The following FLVCR1 variants were observed in gnomAD, a reference collection of about 807,000 sequenced individuals.
The protein encoded by FLVCR1 is FLVCR choline and heme transporter 1, also known as choline/ethanolamine transporter FLVCR1.
A neutral mutation model predicts 53.6 loss-of-function variants in FLVCR1; 34 were observed. The ratio of observed to expected loss-of-function variants is 0.63; its 90% CI spans 0.48 to 0.84. FLVCR1 has a LOEUF of 0.84. Among genes scored for constraint, FLVCR1 ranks in the 40% least tolerant of loss-of-function variants. The pLI, the probability that FLVCR1 is intolerant of heterozygous loss-of-function variation, is 0.00. For missense variants in FLVCR1, 677 were observed against 696.7 expected, an observed-to-expected ratio of 0.97 and a Z score of 0.32; for synonymous variants, 300 against 286.3, an observed-to-expected ratio of 1.05 and a Z score of -0.48.
chr1:212,888,121 A>C, intron 6 of FLVCR1, 120 bp downstream of exon 6: 1 of 684,472 alleles, frequency 1.5e-6, no homozygotes, highest in Non-Finnish European at 2.6e-6. Context: ...TAAACTTTAA[A>C]GGATTCATTC....
At chr1:212,878,269 G>A (rs1274438068) in intron 3 of FLVCR1, among the ~76,000 whole-genome samples, 3 of 152,126 alleles carry the variant, frequency 2.0e-5, no homozygotes, top group African/African-American at 4.8e-5. Context: ...TTGGGAGGCC[G>A]AGGCGGGCGG....
chr1:212,866,483 T>C (rs1377139099), intron 2 of FLVCR1, among the ~76,000 whole-genome samples: 3 of 152,000 alleles, frequency 2.0e-5, no homozygotes, highest in African/African-American at 7.2e-5. Context: ...CCTTTTTTTT[T>C]TTTTTTAAAT....
At chr1:212,871,905 C>A (rs933757759) in intron 2 of FLVCR1, among the ~76,000 whole-genome samples, 1 of 152,142 alleles carries the variant, frequency 6.6e-6, no homozygotes, top group Non-Finnish European at 1.5e-5. Flanking sequence ...TAGCTCTACC[C>A]CTGTACTTTC....
chr1:212,872,120 T>C (rs952855306), intron 2 of FLVCR1, among the ~76,000 whole-genome samples: 1 of 151,630 alleles, frequency 6.6e-6, no homozygotes, highest in Non-Finnish European at 1.5e-5. Flanking sequence ...TTATTTTCCT[T>C]TTTTTTTGTT....
chr1:212,872,474 CTGAGA>C (rs2102550985), intron 2 of FLVCR1, among the ~76,000 whole-genome samples, 199 bp from the exon 3 acceptor site: 1 of 152,136 alleles, frequency 6.6e-6, no homozygotes, highest in Non-Finnish European at 1.5e-5. Flanking sequence ...TTTCAGAGAA[CTGAGA>C]TGACAGTGTT....
At chr1:212,867,776 A>G (rs1664478484) in intron 2 of FLVCR1, among the ~76,000 whole-genome samples, 1 of 151,514 alleles carries the variant, frequency 6.6e-6, no homozygotes. Flanking sequence ...GCTTAAACAC[A>G]TAAGCATATA....
intron 2 of FLVCR1, among the ~76,000 whole-genome samples, chr1:212,872,209 G>C (rs1158083275): frequency 6.6e-6 from 1 of 151,992 alleles, no homozygotes; most frequent in Non-Finnish European, 1.5e-5. Context: ...TGACCTCCCA[G>C]GCTCAAGGGT....
At chr1:212,888,259 T>A (rs1665109143) in intron 6 of FLVCR1, among the ~76,000 whole-genome samples, 1 of 152,220 alleles carries the variant, frequency 6.6e-6, no homozygotes, top group Admixed American at 6.5e-5. Flanking sequence ...ACAATCAACT[T>A]ATAAAACTAG....
chr1:212,871,591 A>G (rs554426167), intron 2 of FLVCR1, among the ~76,000 whole-genome samples: 3 of 151,988 alleles, frequency 2.0e-5, no homozygotes, highest in African/African-American at 7.2e-5. Context: ...TAGTTTAAAC[A>G]ATTTTTTTCT....
intron 3 of FLVCR1, among the ~76,000 whole-genome samples, chr1:212,878,707 A>G (rs1664837993): frequency 6.6e-6 from 1 of 152,158 alleles, no homozygotes. Flanking sequence ...AGCAACTAAA[A>G]CTATAAAGAT....
At chr1:212,865,809 T>A (rs988979125) in intron 2 of FLVCR1, among the ~76,000 whole-genome samples, 1 of 147,070 alleles carries the variant, frequency 6.8e-6, no homozygotes, top group Non-Finnish European at 1.5e-5. Flanking sequence ...AAGTATAGAA[T>A]TCTCTCTCTT....
At chr1:212,888,397 T>C in intron 6 of FLVCR1, 92 bp from the exon 7 acceptor site, 2 of 890,098 alleles carry the variant, frequency 2.2e-6, no homozygotes, top group Admixed American at 3.5e-5. Context: ...TATTTGGTCA[T>C]TAGAATAAGC....
At chr1:212,891,518 A>T (rs1665193831) in intron 8 of FLVCR1, among the ~76,000 whole-genome samples, 1 of 152,214 alleles carries the variant, frequency 6.6e-6, no homozygotes, top group Admixed American at 6.5e-5. Context: ...TTACTTTTAC[A>T]AGAGATTCAT....
chr1:212,894,104 A>G (rs1665272249), intron 8 of FLVCR1, among the ~76,000 whole-genome samples: 1 of 100,492 alleles, frequency 1.0e-5, no homozygotes, highest in South Asian at 4.8e-4. Context: ...TAAGGCATGT[A>G]GATTGATTTT....
At position 212,858,583 on chromosome 1, in the gene FLVCR1, C is replaced by T; in HGVS notation, c.131C>T (p.Ala44Val). ...GTGGAGCTGCAGAACGGGCCCAAAGCGGGCACCTTCCCGGTGAATGGGGCC... is the reference window on the plus strand; with the variant it reads ...GTGGAGCTGCAGAACGGGCCCAAAGTGGGCACCTTCCCGGTGAATGGGGCC... ...ESVELQNGPK[A>V]GTFPVNGAPR... The change falls in exon 1 of 10, where the codon GCG becomes GTG. Residue 44 changes from alanine to valine, a missense_variant. By Grantham distance (64) the Ala-to-Val change is moderately conservative. Transcript: ENST00000366971. 2 of 1,500,026 alleles carry T rather than the reference C, an allele frequency of 1.3e-6. No individual in the cohort carries two copies. The highest frequency in any genetic ancestry group is 1.3e-5 in the South Asian group (1 of 76,586). The allele number at this position is 1,500,026 out of a possible 1,614,324, so 92.9% of individuals were successfully genotyped here.
chr1:212,877,686 G>GTT lies in FLVCR1; in HGVS notation c.1024+4884_1024+4885dup, dbSNP rs56783462. Among the ~76,000 whole-genome samples, 333 of 127,158 alleles carry GTT rather than the reference G, an allele frequency of 2.6e-3. 5 individuals are homozygous for GTT. The highest frequency in any genetic ancestry group is 4.7e-3 in the Non-Finnish European group (285 of 61,256). The allele number at this position is 127,158 out of a possible 152,430, so 83.4% of individuals were successfully genotyped here. The stretch of plus-strand genomic sequence containing the variant: ...AAGTTGTCTGTTCACTCTGATGATA[G>GTT]TTTTTTTTTTTTTTTTTGCTGTGCA... On this transcript the variant is annotated intron_variant, in intron 3 of 9. Transcript: ENST00000366971.
chr1:212,868,491 G>A (rs1050116687), intron 2 of FLVCR1, among the ~76,000 whole-genome samples: 2 of 152,160 alleles, frequency 1.3e-5, no homozygotes. Context: ...TCCGCTCACC[G>A]CAACCTCTGC....
intron 4 of FLVCR1, 39 bp downstream of exon 4, chr1:212,883,477 A>G (rs2644547): frequency 1 from 1,186,484 of 1,187,384 alleles, 592,795 homozygotes; most frequent in East Asian, 1. Context: ...GCCTGGCCAA[A>G]AATTTTTCTT....
chr1:212,890,575 C>A (rs1456269861), intron 8 of FLVCR1, among the ~76,000 whole-genome samples: 1 of 152,118 alleles, frequency 6.6e-6, no homozygotes, highest in Non-Finnish European at 1.5e-5. Context: ...ACAGGTTGAA[C>A]AAGCTTATAC....
Sources: allele counts gnomAD v4.1 joint callset (sites outside exome capture counted in the v4.1 genomes callset), GRCh38; gene constraint gnomAD v4.1.1; transcripts MANE v1.5; gene names NCBI Gene and HGNC (gene_info 2026-07-23, HGNC 2026-07-21).